Variants in XRCC4 observed in about 807,000 individuals in gnomAD.
XRCC4 encodes X-ray repair cross complementing 4.
XRCC4 carries 28 observed loss-of-function variants against 39.1 expected under a neutral mutation model. The ratio of observed to expected loss-of-function variants is 0.72; its 90% confidence interval spans 0.53 to 0.98. The LOEUF (loss-of-function observed/expected upper bound fraction) is 0.98. XRCC4 is among the 50% of genes least tolerant of loss of function. XRCC4 has a pLI of 0.00. For synonymous variants in XRCC4, 123 were observed against 126.4 expected (o/e 0.97, Z 0.18); for missense variants, 350 against 376.4 (o/e 0.93, Z 0.58).
At chr5:83,221,425 A>C (rs967473276) in intron 6 of XRCC4, among the ~76,000 whole-genome samples, 1 of 152,148 alleles carries the variant, frequency 6.6e-6, no homozygotes, top group African/African-American at 2.4e-5. Flanking sequence ...CAGTCTGATT[A>C]CAGAGCTCAT....
downstream of XRCC4, among the ~76,000 whole-genome samples, chr5:83,358,333 G>A (rs1186610324): frequency 6.6e-6 from 1 of 151,766 alleles, no homozygotes; most frequent in Non-Finnish European, 1.5e-5. Context: ...TTAAACTCAG[G>A]TTCTTTCTTT....
intron 3 of XRCC4, among the ~76,000 whole-genome samples, chr5:83,188,862 T>C (rs1395123379): frequency 1.3e-5 from 2 of 152,140 alleles, no homozygotes; most frequent in Non-Finnish European, 2.9e-5. Context: ...TACCTCTGAG[T>C]AGACAATAGA....
intron 6 of XRCC4, among the ~76,000 whole-genome samples, chr5:83,246,960 T>C (rs745655080): frequency 6.6e-6 from 1 of 152,176 alleles, no homozygotes; most frequent in Non-Finnish European, 1.5e-5. Flanking sequence ...TTATGAATCA[T>C]AGTGGAGTGA....
chr5:83,171,381 T>C (rs959627519), intron 3 of XRCC4, among the ~76,000 whole-genome samples: 22 of 152,118 alleles, frequency 1.4e-4, no homozygotes, highest in Non-Finnish European at 3.1e-4. Context: ...GTTGTCCTTA[T>C]CAGAGGACAA....
intron 7 of XRCC4, among the ~76,000 whole-genome samples, chr5:83,276,016 A>G (rs1294587445): frequency 6.6e-6 from 1 of 152,208 alleles, no homozygotes; most frequent in Admixed American, 6.5e-5. Context: ...CTGGATTTAA[A>G]TACAGACAGT....
intron 3 of XRCC4, among the ~76,000 whole-genome samples, chr5:83,154,341 C>T (rs1748854777): frequency 6.6e-6 from 1 of 152,138 alleles, no homozygotes; most frequent in African/African-American, 2.4e-5. Flanking sequence ...ATTTGAAATG[C>T]TTTAAAATCT....
intron 2 of XRCC4, among the ~76,000 whole-genome samples, chr5:83,108,852 TTC>T (rs1491088852): frequency 3.3e-5 from 4 of 121,504 alleles, no homozygotes; most frequent in African/African-American, 7.2e-5. Flanking sequence ...ATTTATCTTC[TTC>T]TTTTTTTTTT....
chr5:83,243,261 G>C (rs1173228218), intron 6 of XRCC4, among the ~76,000 whole-genome samples: 3 of 152,158 alleles, frequency 2.0e-5, no homozygotes, highest in African/African-American at 7.2e-5. Flanking sequence ...ATTCAGGAGT[G>C]TATGAGTTTG....
chr5:83,232,513 G>A (rs1016236007), intron 6 of XRCC4, among the ~76,000 whole-genome samples: 2 of 152,048 alleles, frequency 1.3e-5, no homozygotes, highest in African/African-American at 4.8e-5. Flanking sequence ...AAGAGCAGGA[G>A]CATAGCTGTC....
intron 7 of XRCC4, among the ~76,000 whole-genome samples, chr5:83,275,802 A>G (rs1361868278): frequency 3.3e-5 from 5 of 152,226 alleles, no homozygotes; most frequent in Admixed American, 3.3e-4. Context: ...TAATGTGTAG[A>G]TTTACACAGC....
chr5:83,334,807 CA>C (rs992456562), intron 7 of XRCC4, among the ~76,000 whole-genome samples: 3 of 151,560 alleles, frequency 2.0e-5, no homozygotes, highest in African/African-American at 4.8e-5. Context: ...ATTTATATAC[CA>C]AAAAATAAAT....
the XRCC4 span, among the ~76,000 whole-genome samples, chr5:83,369,428 G>C: frequency 6.6e-6 from 1 of 152,086 alleles, no homozygotes; most frequent in Non-Finnish European, 1.5e-5. Context: ...GTAGTTCACA[G>C]TATCTATTGT....
intron 7 of XRCC4, among the ~76,000 whole-genome samples, chr5:83,323,073 ACT>A (rs1461886168): frequency 6.6e-6 from 1 of 152,004 alleles, no homozygotes; most frequent in Non-Finnish European, 1.5e-5. Flanking sequence ...TGGAGTATTG[ACT>A]CTGATGGATC....
intron 4 of XRCC4, among the ~76,000 whole-genome samples, chr5:83,198,713 A>T (rs150272819): frequency 1.5e-3 from 226 of 152,290 alleles, no homozygotes; most frequent in African/African-American, 5.3e-3. Context: ...GAGGAATGAG[A>T]AATTACAGCA....
At chr5:83,366,290 C>T in the XRCC4 span, among the ~76,000 whole-genome samples, 2 of 152,190 alleles carry the variant, frequency 1.3e-5, no homozygotes, top group African/African-American at 4.8e-5. Flanking sequence ...AAATTCAGTT[C>T]ATTGTAGATC....
At chr5:83,098,852 A>G (rs1745797911) in intron 1 of XRCC4, among the ~76,000 whole-genome samples, 1 of 152,154 alleles carries the variant, frequency 6.6e-6, no homozygotes, top group African/African-American at 2.4e-5. Flanking sequence ...TAAACAAGAA[A>G]TAATCCTTTT....
chr5:83,267,262 G>A (rs2112920459), intron 7 of XRCC4, among the ~76,000 whole-genome samples: 1 of 152,242 alleles, frequency 6.6e-6, no homozygotes, highest in East Asian at 1.9e-4. Context: ...TGGCTTTGAA[G>A]ATGAATGTTA....
intron 7 of XRCC4, among the ~76,000 whole-genome samples, chr5:83,290,176 G>T (rs1754869086): frequency 6.6e-6 from 1 of 151,540 alleles, no homozygotes; most frequent in Non-Finnish European, 1.5e-5. Context: ...TATCTAATTG[G>T]TATAAAAAAA....
At chr5:83,313,654 A>G (rs1755783687) in intron 7 of XRCC4, among the ~76,000 whole-genome samples, 1 of 152,128 alleles carries the variant, frequency 6.6e-6, no homozygotes, top group Admixed American at 6.6e-5. Context: ...TTTGTCTAAC[A>G]CATCAGCTGT....
Sources: allele counts gnomAD v4.1 joint callset (sites outside exome capture counted in the v4.1 genomes callset), GRCh38; gene constraint gnomAD v4.1.1; transcripts MANE v1.5; gene names NCBI Gene and HGNC (gene_info 2026-07-23, HGNC 2026-07-21).